PLCZ1: variants seen among roughly 807,000 people sequenced by gnomAD.
PLCZ1 encodes the protein phospholipase C zeta 1.
PLCZ1 carries 64 observed loss-of-function variants against 76.8 expected under a neutral mutation model. That is an observed-to-expected ratio of 0.83 (90% CI 0.68 to 1.03). PLCZ1 has a LOEUF of 1.03. Ranked by LOEUF, PLCZ1 falls within the 50% of genes least tolerant of loss-of-function variation. The pLI, the probability that PLCZ1 is intolerant of heterozygous loss-of-function variation, is 0.00. For synonymous variants in PLCZ1, 248 were observed against 230.8 expected (o/e 1.07, Z -0.68); for missense variants, 751 against 713.7 (o/e 1.05, Z -0.60).
At chr12:18,720,265 C>T (rs1241656918) in intron 4 of PLCZ1, among the ~76,000 whole-genome samples, 1 of 151,850 alleles carries the variant, frequency 6.6e-6, no homozygotes, top group African/African-American at 2.4e-5. Context: ...CATTCTATCA[C>T]TGATAGGCAT....
intron 3 of PLCZ1, among the ~76,000 whole-genome samples, chr12:18,730,739 A>C (rs1958999881): frequency 1.3e-5 from 2 of 152,172 alleles, no homozygotes; most frequent in African/African-American, 4.8e-5. Context: ...TTCACTTCAG[A>C]TATCTCTGCC....
At chr12:18,655,740 A>C in the PLCZ1 span, among the ~76,000 whole-genome samples, 1 of 88,874 alleles carries the variant, frequency 1.1e-5, no homozygotes, top group Non-Finnish European at 2.3e-5. Context: ...CACAGCCCCA[A>C]CCTTATCATG....
intron 3 of PLCZ1, among the ~76,000 whole-genome samples, chr12:18,726,528 C>T (rs761378290): frequency 3.9e-5 from 6 of 152,154 alleles, no homozygotes; most frequent in South Asian, 2.1e-4. Flanking sequence ...AATTACTATA[C>T]GTTTAAATGA....
chr12:18,693,046 A>G lies in PLCZ1; in HGVS notation c.1461+1864T>C, dbSNP rs1460744950. The G allele has an allele frequency of 6.1e-6, 9 of 1,469,110 alleles. No individual in the cohort carries two copies. The East Asian group carries it at 2.0e-4, about 33-fold the overall frequency. The allele number at this position is 1,469,110 out of a possible 1,614,324, so 91.0% of individuals were successfully genotyped here. ...CAGGAACAAATGAAACCATTAGAAG[A>G]AAAGCAAGAAGGGAAAAGATCAAAA... On this transcript the variant is annotated intron_variant, in intron 12 of 14. Coordinates refer to ENST00000266505, the MANE Select transcript of PLCZ1 (RefSeq NM_033123.4).
chr12:18,683,278 C>T lies in PLCZ1; in HGVS notation c.1788G>A (p.Glu596=), dbSNP rs1038218078. 1.1e-5 allele frequency: 18 copies of T among 1,612,584 alleles called. No homozygotes were observed. The Admixed American group carries it at 2.3e-4, about 21-fold the overall frequency. The stretch of plus-strand genomic sequence containing the variant: ...AAACATAAACAAACAGTGAAGCAGG[C>T]TCAAGGCTCTCACCCATTCTGGAAA... The part of the protein sequence containing the change: ...PLFSRMGESL[E]PASLFVYVWY... Residue 596 remains glutamate (E), a synonymous_variant, in exon 15 of 15, where the codon GAG becomes GAA. Coordinates refer to ENST00000266505, the MANE Select transcript of PLCZ1 (RefSeq NM_033123.4).
chr12:18,648,432 G>A, the PLCZ1 span: 631 of 205,346 alleles, frequency 3.1e-3, 10 homozygotes, highest in African/African-American at 0.014. Flanking sequence ...AGGTATATCT[G>A]TAATCAATTT....
In PLCZ1 at chr12:18,712,858, T is replaced by A. The variant is rs200061726; in HGVS notation, c.698A>T (p.His233Leu). The A allele has an allele frequency of 9.2e-4, 1,482 of 1,613,834 alleles. No individual in the cohort carries two copies. The highest frequency in any genetic ancestry group is 1.1e-3 in the Non-Finnish European group (1,330 of 1,179,768). ...TGTACATACCATGAATGCATACTTGTGTATAGCTTGGATAACAGTTTTAAA... is the reference window on the plus strand; with the variant it reads ...TGTACATACCATGAATGCATACTTGAGTATAGCTTGGATAACAGTTTTAAA... Reference protein sequence around the residue: ...LLFKTVIQAIHKYAFMTSDYP... With the variant: ...LLFKTVIQAILKYAFMTSDYP... Residue 233 changes from histidine to leucine, a missense_variant, in exon 6 of 15, where the codon CAC becomes CTC. By Grantham distance (99) the His-to-Leu change is moderately conservative. Transcript: ENST00000266505.
rs1954496794 is a variant in PLCZ1 at position 18,693,689 on chromosome 12, A to G, written c.1461+1221T>C. On this transcript the variant is annotated intron_variant, in intron 12 of 14. Transcript: ENST00000266505. Reference sequence around the variant, plus strand: ...CTCCAATTCTGGTGGTGAGAGAGAAATTCAGCGAACAACGTTGGAACTGCT... The same window carrying G: ...CTCCAATTCTGGTGGTGAGAGAGAAGTTCAGCGAACAACGTTGGAACTGCT... 10 of 1,566,314 alleles carry G rather than the reference A, an allele frequency of 6.4e-6. No homozygotes were observed. In the South Asian group the frequency reaches 1.1e-4, roughly 17 times the overall value.
chr12:18,722,791 G>A (rs1410242270), intron 4 of PLCZ1, among the ~76,000 whole-genome samples: 3 of 151,844 alleles, frequency 2.0e-5, no homozygotes, highest in Admixed American at 1.3e-4. Flanking sequence ...CAAGCGAAAA[G>A]TATATATATT....
At chr12:18,700,328 G>A (rs1427999708) in intron 9 of PLCZ1, among the ~76,000 whole-genome samples, 2 of 151,416 alleles carry the variant, frequency 1.3e-5, no homozygotes, top group South Asian at 4.2e-4. Flanking sequence ...TCACAACCTG[G>A]CATCTATTTC....
At chr12:18,736,594 T>TTTGAGAAA in intron 2 of PLCZ1, 1 of 1,298,262 alleles carries the variant, frequency 7.7e-7, no homozygotes, top group Non-Finnish European at 1.0e-6. Context: ...AATTTGAGAA[T>TTTGAGAAA]TGAAGTCATT....
intron 13 of PLCZ1, among the ~76,000 whole-genome samples, chr12:18,686,067 T>C (rs1953101522): frequency 6.6e-6 from 1 of 152,030 alleles, no homozygotes. Flanking sequence ...TAAATCATCT[T>C]AAAATTCTTC....
the PLCZ1 span, among the ~76,000 whole-genome samples, chr12:18,654,275 C>A: frequency 7.6e-6 from 1 of 131,190 alleles, no homozygotes; most frequent in Admixed American, 8.3e-5. Context: ...TTGCCATTTC[C>A]AAAAGAAACA....
At chr12:18,699,241 G>C (rs1955543080) in intron 10 of PLCZ1, among the ~76,000 whole-genome samples, 1 of 152,122 alleles carries the variant, frequency 6.6e-6, no homozygotes, top group Non-Finnish European at 1.5e-5. Flanking sequence ...CATAGGCATA[G>C]AGCCTCCAAG....
chr12:18,681,238 A>G (rs760904483), downstream of PLCZ1, among the ~76,000 whole-genome samples: 36 of 152,028 alleles, frequency 2.4e-4, no homozygotes, highest in Admixed American at 5.9e-4. Flanking sequence ...TATCAGTTGT[A>G]AAGAAGCGTA....
At chr12:18,681,947 G>C (rs1305934957), downstream of PLCZ1, among the ~76,000 whole-genome samples, 1 of 151,996 alleles carries the variant, frequency 6.6e-6, no homozygotes, top group Non-Finnish European at 1.5e-5. Context: ...ATTAGGGAAG[G>C]GTAAAGCGTT....
At chr12:18,724,528 T>G (rs1381292906) in intron 3 of PLCZ1, among the ~76,000 whole-genome samples, 1 of 152,164 alleles carries the variant, frequency 6.6e-6, no homozygotes, top group Non-Finnish European at 1.5e-5. Flanking sequence ...AAGCATGTGT[T>G]GAAGGGGCAT....
At chr12:18,650,488 GT>G in the PLCZ1 span, among the ~76,000 whole-genome samples, 5 of 148,154 alleles carry the variant, frequency 3.4e-5, no homozygotes, top group Non-Finnish European at 7.5e-5. Flanking sequence ...CTAATTAAAT[GT>G]TTTCCTGTGT....
At chr12:18,669,149 T>G in the PLCZ1 span, among the ~76,000 whole-genome samples, 3 of 152,182 alleles carry the variant, frequency 2.0e-5, no homozygotes, top group Admixed American at 1.3e-4. Flanking sequence ...ATTATTTTCT[T>G]GATTCCTCTG....
Sources: gnomAD v4.1 joint callset for allele counts (sites outside exome capture counted in the v4.1 genomes callset) on GRCh38, gnomAD v4.1.1 for gene constraint, MANE v1.5 for transcripts, NCBI Gene and HGNC (gene_info 2026-07-23, HGNC 2026-07-21) for gene names.